Variants in TARS2 observed in about 807,000 individuals in gnomAD.
The protein encoded by TARS2 is threonyl-tRNA synthetase 2, mitochondrial.
TARS2 carries 61 observed loss-of-function variants against 94.4 expected under a neutral mutation model. The ratio of observed to expected loss-of-function variants is 0.65; its 90% CI spans 0.53 to 0.80. The LOEUF is 0.80. TARS2 is among the 30% of genes least tolerant of loss of function. The pLI, the probability that TARS2 is intolerant of heterozygous loss-of-function variation, is 0.00. For missense variants in TARS2, 704 were observed against 902.5 expected (o/e 0.78, Z 2.82); for synonymous variants, 359 against 353.4 (o/e 1.02, Z -0.18).
At chr1:150,487,830 T>A (rs751517962) in intron 1 of TARS2, 28 bp from the exon 2 acceptor site, 1 of 1,604,488 alleles carries the variant, frequency 6.2e-7, no homozygotes, top group Admixed American at 1.7e-5. Context: ...GGGACGTGTG[T>A]TACCTGCTAA....
intron 13 of TARS2, 82 bp downstream of exon 13, chr1:150,499,375 T>C: frequency 1.4e-6 from 2 of 1,417,486 alleles, no homozygotes; most frequent in Non-Finnish European, 1.9e-6. Flanking sequence ...ACAAAGAATT[T>C]TTTTTTTTGA....
chr1:150,493,390 G>A (rs587655181), intron 7 of TARS2, among the ~76,000 whole-genome samples: 70 of 152,258 alleles, frequency 4.6e-4, no homozygotes, highest in African/African-American at 1.6e-3. Context: ...GAGAGGGGGC[G>A]TGGTCCAGGA....
At chr1:150,489,809 G>T (rs1249337764) in intron 3 of TARS2, among the ~76,000 whole-genome samples, 2 of 152,158 alleles carry the variant, frequency 1.3e-5, no homozygotes, top group African/African-American at 4.8e-5. Context: ...GGGCGTGGTG[G>T]TGAGCACTTG....
chr1:150,496,119 TA>T (rs1346590123), intron 7 of TARS2, among the ~76,000 whole-genome samples: 5 of 152,116 alleles, frequency 3.3e-5, no homozygotes, highest in African/African-American at 9.7e-5. Context: ...AGCAGCTGTA[TA>T]GGATATTGAT....
At chr1:150,491,092 TTTG>T (rs2102477450) in intron 4 of TARS2, among the ~76,000 whole-genome samples, 1 of 152,216 alleles carries the variant, frequency 6.6e-6, no homozygotes, top group African/African-American at 2.4e-5. Context: ...AACAACTTAC[TTTG>T]TTACTTGTTA....
Position 150,504,397 on chromosome 1 carries a change from C to T in TARS2, c.1680C>T (p.Asp560=). 1 of 1,614,144 alleles carries T rather than the reference C, an allele frequency of 6.2e-7. No homozygotes were observed. The highest frequency in any genetic ancestry group is 2.2e-5 in the East Asian group (1 of 44,874). ...RPHQCGTIQL[D]FQLPLRFDLQ... ...ATCAGTGTGGGACAATTCAGCTTGA[C>T]TTCCAACTGCCCCTGAGATTTGACC... Residue 560 remains aspartate (D), a synonymous_variant, in exon 14 of 18, where the codon GAC becomes GAT. Coordinates refer to ENST00000369064, the MANE Select transcript of TARS2 (RefSeq NM_025150.5).
chr1:150,506,492 A>ACG (rs1670218469), intron 17 of TARS2, among the ~76,000 whole-genome samples: 1 of 121,842 alleles, frequency 8.2e-6, no homozygotes, highest in Non-Finnish European at 2.0e-5. Flanking sequence ...GCGCGCACAC[A>ACG]CACACACACA....
At chr1:150,504,546 A>G (rs1335629543) in intron 14 of TARS2, 86 bp from the exon 15 acceptor site, 1 of 1,576,074 alleles carries the variant, frequency 6.3e-7, no homozygotes, top group Admixed American at 1.7e-5. Flanking sequence ...AGAGCTGAAT[A>G]TTTCTTAAAA....
intron 7 of TARS2, among the ~76,000 whole-genome samples, chr1:150,494,211 A>G (rs1669537608): frequency 1.3e-5 from 2 of 150,778 alleles, no homozygotes; most frequent in African/African-American, 4.9e-5. Flanking sequence ...TACTAAAAAT[A>G]CACAAATTAG....
At chr1:150,492,224 A>C (rs912321664) in intron 6 of TARS2, 187 bp from the exon 7 acceptor site, 6 of 553,750 alleles carry the variant, frequency 1.1e-5, no homozygotes, top group Admixed American at 3.1e-5. Context: ...TTGGCCTCCC[A>C]AAGTTCTGGG....
intron 13 of TARS2, among the ~76,000 whole-genome samples, chr1:150,501,972 G>A (rs1669942206): frequency 6.6e-6 from 1 of 151,810 alleles, no homozygotes; most frequent in Admixed American, 6.6e-5. Context: ...GAGTGCAGTG[G>A]CGCAATCTCG....
intron 7 of TARS2, among the ~76,000 whole-genome samples, chr1:150,494,763 C>T (rs587731293): frequency 1.3e-5 from 2 of 151,864 alleles, no homozygotes; most frequent in African/African-American, 4.8e-5. Flanking sequence ...AGGGGCTGGG[C>T]GTGGTGGCTC....
intron 7 of TARS2, among the ~76,000 whole-genome samples, chr1:150,495,417 G>GAC (rs1416559064): frequency 6.6e-6 from 1 of 151,146 alleles, no homozygotes; most frequent in Non-Finnish European, 1.5e-5. Context: ...ATTTTTTTGA[G>GAC]ACAGAGTCTT....
At chr1:150,494,632 G>A (rs997363591) in intron 7 of TARS2, among the ~76,000 whole-genome samples, 2 of 151,998 alleles carry the variant, frequency 1.3e-5, no homozygotes, top group Middle Eastern at 3.4e-3. Context: ...CCAGCTACTC[G>A]GGAGGCTGAG....
chr1:150,500,498 C>A (rs587642039), intron 13 of TARS2, among the ~76,000 whole-genome samples: 2 of 152,288 alleles, frequency 1.3e-5, no homozygotes, highest in African/African-American at 4.8e-5. Context: ...TAGCCTGAGG[C>A]AGGAGAATCG....
chr1:150,487,536 A>G lies in TARS2; in HGVS notation c.66+20A>G, dbSNP rs2102469999. On this transcript the variant is annotated intron_variant, in intron 1 of 17. Transcript: ENST00000369064. ...CACACGGTGCGTGAGGCACCCCCAA[A>G]GCTCCGATCCGCATCAGACTTAGCC... 1 of 1,614,214 alleles carries G rather than the reference A, an allele frequency of 6.2e-7. No homozygotes were observed. The highest frequency in any genetic ancestry group is 2.2e-5 in the East Asian group (1 of 44,890).
At chr1:150,499,081 G>A (rs749917844) in intron 12 of TARS2, 47 bp downstream of exon 12, 1 of 1,613,694 alleles carries the variant, frequency 6.2e-7, no homozygotes, top group Admixed American at 1.7e-5. Flanking sequence ...ACTCTCTGGT[G>A]GGAAGGAGTG....
chr1:150,499,297 A>G lies in TARS2; in HGVS notation c.1617+4A>G, dbSNP rs1669807142. The G allele has an allele frequency of 6.2e-7, 1 of 1,613,826 alleles. No individual in the cohort carries two copies. ...TGGTGCCTTCTATGGACCTAAGGTAAGCTTGGGACCCTGGTTAGTGTTGTA... is the reference window on the plus strand; with the variant it reads ...TGGTGCCTTCTATGGACCTAAGGTAGGCTTGGGACCCTGGTTAGTGTTGTA... On this transcript the variant is annotated splice_donor_region_variant and intron_variant, in intron 13 of 17. Transcript: ENST00000369064.
chr1:150,490,210 C>A (rs1027258015), intron 3 of TARS2, among the ~76,000 whole-genome samples: 1 of 146,830 alleles, frequency 6.8e-6, no homozygotes, highest in Non-Finnish European at 1.5e-5. Flanking sequence ...CTTCCACCTC[C>A]CGGGTTCAAG....
Sources: allele counts gnomAD v4.1 joint callset (sites outside exome capture counted in the v4.1 genomes callset), GRCh38; gene constraint gnomAD v4.1.1; transcripts MANE v1.5; gene names NCBI Gene and HGNC (gene_info 2026-07-23, HGNC 2026-07-21).